Variants in INPP5D observed in about 807,000 individuals in gnomAD.
INPP5D encodes inositol polyphosphate-5-phosphatase D.
INPP5D carries 33 observed loss-of-function variants against 122.9 expected under a neutral mutation model. The observed-to-expected ratio is 0.27, with a 90% CI of 0.20 to 0.36. The LOEUF (loss-of-function observed/expected upper bound fraction) is 0.36. INPP5D is among the 10% of genes least tolerant of loss of function. INPP5D has a pLI of 1.00. For missense variants in INPP5D, 1,053 were observed against 1,412.7 expected (o/e 0.75, Z 4.08); for synonymous variants, 584 against 576.2 (o/e 1.01, Z -0.19).
intron 26 of INPP5D, chr2:233,205,024 C>T (rs757648015): frequency 8.4e-6 from 3 of 357,324 alleles, no homozygotes; most frequent in African/African-American, 2.1e-5. Flanking sequence ...AGTGTCAGTC[C>T]CAGAGGAAGA....
chr2:233,161,932 TC>T (rs375564765), intron 11 of INPP5D, 106 bp downstream of exon 11: 2 of 1,471,804 alleles, frequency 1.4e-6, no homozygotes, highest in African/African-American at 2.8e-5. Flanking sequence ...TCCCCTTCCT[TC>T]CTGCCCCAGG....
rs530601644 is a variant in INPP5D, at chr2:233,074,143, T to A, written c.135-5192T>A. ...ACTGTCGAGAACAATTGGATCAGAT[T>A]TGTTCAGAGATGGGAGTGGGTTAAA... On this transcript the variant is annotated intron_variant, in intron 1 of 26. Coordinates refer to ENST00000445964, the MANE Select transcript of INPP5D (RefSeq NM_001017915.3). Among the ~76,000 whole-genome samples the A allele has an allele frequency of 2.0e-5, 3 of 152,272 alleles. No homozygotes were observed. In the South Asian group the frequency reaches 6.2e-4, roughly 32 times the overall value.
At position 233,204,278 on chromosome 2, in the gene INPP5D, C is replaced by T. The variant is rs1410603910; in HGVS notation, c.3128C>T (p.Pro1043Leu). ...AAGGACCAGGAATCCCCCAAAATGC[C>T]GCGGAAGGAACCCCCGCCCTGCCCG... Reference protein sequence around the residue: ...PRKDQESPKMPRKEPPPCPEP... With the variant: ...PRKDQESPKMLRKEPPPCPEP... The change falls in exon 26 of 27, where the codon CCG becomes CTG. Residue 1043 changes from proline to leucine, a missense_variant. This residue lies in a region of INPP5D where 417 missense variants were observed against 425.8 expected (regional missense o/e 0.98). Coordinates refer to ENST00000445964, the MANE Select transcript of INPP5D (RefSeq NM_001017915.3). 33 of 1,613,516 alleles carry T rather than the reference C, an allele frequency of 2.0e-5. No individual in the cohort carries two copies. The highest frequency in any genetic ancestry group is 5.3e-5 in the African/African-American group (4 of 75,062).
rs553767379 is a variant in INPP5D at position 233,108,171 on chromosome 2, G to A, written c.199-13936G>A. ...CCGAGTGGCTTGCGTCTGCCACAGCGTCTCTGACTGCCTTCTCTGCCCTGG... is the reference window on the plus strand; with the variant it reads ...CCGAGTGGCTTGCGTCTGCCACAGCATCTCTGACTGCCTTCTCTGCCCTGG... On this transcript the variant is annotated intron_variant, in intron 2 of 26. Coordinates refer to ENST00000445964, the MANE Select transcript of INPP5D (RefSeq NM_001017915.3). Among the ~76,000 whole-genome samples, 203 of 152,240 alleles carry A rather than the reference G, an allele frequency of 1.3e-3. 1 individual carries two copies. The Middle Eastern group carries it at 0.017, about 13-fold the overall frequency.
intron 5 of INPP5D, among the ~76,000 whole-genome samples, chr2:233,135,487 G>A (rs1266086543): frequency 6.6e-6 from 1 of 151,994 alleles, no homozygotes; most frequent in African/African-American, 2.4e-5. Context: ...ACTGTGCCAA[G>A]CCTAAATCTC....
chr2:233,190,907 T>A (rs966224143), intron 22 of INPP5D, among the ~76,000 whole-genome samples: 1 of 152,158 alleles, frequency 6.6e-6, no homozygotes, highest in African/African-American at 2.4e-5. Context: ...ATTCACATCT[T>A]GGAAATCCGC....
At chr2:233,074,322 C>T (rs181235673) in intron 1 of INPP5D, among the ~76,000 whole-genome samples, 8 of 152,118 alleles carry the variant, frequency 5.3e-5, no homozygotes, top group Non-Finnish European at 7.3e-5. Context: ...AGCTGTCAGA[C>T]GAGGAATAGC....
intron 1 of INPP5D, among the ~76,000 whole-genome samples, chr2:233,062,559 C>T (rs1186609279): frequency 6.6e-6 from 1 of 152,212 alleles, no homozygotes; most frequent in Non-Finnish European, 1.5e-5. Context: ...TGAGTTCTCT[C>T]AGAGTCATGA....
chr2:233,193,960 T>C lies in INPP5D; in HGVS notation c.2595T>C (p.Tyr865=), dbSNP rs1189858799. ...TSQGKTREKL[Y]DFVKTERDES... ...AGGGCAAGACGAGGGAGAAGCTCTA[T>C]GGTAAGCAGCAAGCCCCTCCCCAGC... is the stretch of plus-strand genomic sequence containing the variant. Residue 865 remains tyrosine, a splice_region_variant and synonymous_variant, in exon 23 of 27, where the codon TAT becomes TAC. Transcript: ENST00000445964. 1.9e-6 allele frequency: 3 copies of C among 1,596,912 alleles called. No homozygotes were observed. Among genetic ancestry groups the C allele is most frequent in the Non-Finnish European group, 1.7e-6 (2 of 1,168,444 alleles).
intron 9 of INPP5D, among the ~76,000 whole-genome samples, chr2:233,148,181 G>A (rs1693819323): frequency 6.6e-6 from 1 of 152,220 alleles, no homozygotes; most frequent in Non-Finnish European, 1.5e-5. Flanking sequence ...AAGACAAGGG[G>A]ATCCAGGGCC....
At chr2:233,122,032 C>T in intron 2 of INPP5D, 75 bp from the exon 3 acceptor site, 1 of 1,550,590 alleles carries the variant, frequency 6.4e-7, no homozygotes, top group Non-Finnish European at 8.8e-7. Context: ...CTGGTCTCTG[C>T]TGCAGTTGGC....
chr2:233,147,709 C>T (rs538759503), intron 9 of INPP5D, 115 bp downstream of exon 9: 17 of 635,852 alleles, frequency 2.7e-5, no homozygotes, highest in Non-Finnish European at 4.0e-5. Context: ...CACGCATGCG[C>T]GCCTGCGCTC....
Position 233,206,643 on chromosome 2 carries a change from C to G in INPP5D, c.3568-63C>G. ...GCCCACAGCATGCAGGGACCTGGGC[C>G]ACTTAGTTCAACATGGCCTGGTGAG... is the stretch of plus-strand genomic sequence containing the variant. On this transcript the variant is annotated intron_variant, in intron 26 of 26. Transcript: ENST00000445964. This position sits in a 1 kb window ranked among gnomAD's most constrained non-coding sequence, Gnocchi z 4.0. 1 of 749,584 alleles carries G rather than the reference C, an allele frequency of 1.3e-6. No individual in the cohort carries two copies. The highest frequency in any genetic ancestry group is 2.5e-6 in the Non-Finnish European group (1 of 402,534). 46.4% of individuals were successfully genotyped at this position (749,584 alleles called of 1,614,324 possible).
intron 9 of INPP5D, among the ~76,000 whole-genome samples, 189 bp from the exon 10 acceptor site, chr2:233,158,124 C>T (rs2106290127): frequency 6.6e-6 from 1 of 152,204 alleles, no homozygotes; most frequent in Admixed American, 6.5e-5. Context: ...TTCCAGACAT[C>T]ACCCTCCCCA....
At chr2:233,144,775 GTGT>G (rs1264563658) in intron 6 of INPP5D, among the ~76,000 whole-genome samples, 1 of 150,092 alleles carries the variant, frequency 6.7e-6, no homozygotes, top group Non-Finnish European at 1.5e-5. Context: ...AGTGATGGTG[GTGT>G]TGGTGGTGAT....
At chr2:233,113,953 CTGGA>C (rs140621669) in intron 2 of INPP5D, among the ~76,000 whole-genome samples, 13,090 of 144,672 alleles carry the variant, frequency 0.09, 933 homozygotes, top group African/African-American at 0.21. Flanking sequence ...GTCGCCCAGG[CTGGA>C]TGGAGTGCAG....
chr2:233,073,985 C>T (rs1339127981), intron 1 of INPP5D, among the ~76,000 whole-genome samples: 1 of 152,190 alleles, frequency 6.6e-6, no homozygotes, highest in Non-Finnish European at 1.5e-5. Flanking sequence ...ACAAATCAGA[C>T]TTGTCCAGAA....
rs1695208496 is a variant in INPP5D, at chr2:233,197,236, T to C, written c.2694-859T>C. ...TGACACAGTGGCAGCGTGCAGTGTG[T>C]CTGTTGGGGCCACCTTGCCTGGGTC... is the stretch of plus-strand genomic sequence containing the variant. On this transcript the variant is annotated intron_variant, in intron 24 of 26. Coordinates refer to ENST00000445964, the MANE Select transcript of INPP5D (RefSeq NM_001017915.3). The surrounding 1 kb of genome is among the most constrained non-coding windows in gnomAD (Gnocchi z 4.4). Among the ~76,000 whole-genome samples the C allele has an allele frequency of 6.6e-6, 1 of 152,210 alleles. No homozygotes were observed. Among genetic ancestry groups the C allele is most frequent in the Admixed American group, 6.5e-5 (1 of 15,282 alleles).
chr2:233,084,453 A>C (rs1691778142), intron 2 of INPP5D, among the ~76,000 whole-genome samples: 1 of 152,266 alleles, frequency 6.6e-6, no homozygotes, highest in African/African-American at 2.4e-5. Flanking sequence ...GAAAAAATCC[A>C]GTGGTCTGAG....
Sources: gnomAD v4.1 joint callset for allele counts (sites outside exome capture counted in the v4.1 genomes callset) on GRCh38, gnomAD v4.1.1 for gene constraint, gnomAD v4.1.1 regional missense constraint, Gnocchi (gnomAD v3.1) non-coding constraint, MANE v1.5 for transcripts, NCBI Gene and HGNC (gene_info 2026-07-23, HGNC 2026-07-21) for gene names.